TCEA2: variants seen among roughly 807,000 people sequenced by gnomAD.
TCEA2 encodes the protein transcription elongation factor A2.
Under a neutral mutation model 40.8 loss-of-function variants are expected in TCEA2, and 21 were observed. The observed-to-expected ratio is 0.51, with a 90% confidence interval of 0.36 to 0.74. The LOEUF (loss-of-function observed/expected upper bound fraction) is 0.74, where lower values mean the gene tolerates loss of function less well. TCEA2 is among the 30% of genes least tolerant of loss of function. The probability of loss-of-function intolerance (pLI) is 0.00; values close to 1 mark genes in which losing one functional copy is unlikely to be tolerated. For missense variants in TCEA2, 326 were observed against 426.5 expected, an observed-to-expected ratio of 0.76 and a Z score of 2.08; for synonymous variants, 165 against 162.7, an observed-to-expected ratio of 1.01 and a Z score of -0.11.
chr20:64,066,875 G>A, intron 2 of TCEA2, 40 bp from the exon 3 acceptor site: 1 of 1,584,862 alleles, frequency 6.3e-7, no homozygotes, highest in Non-Finnish European at 8.6e-7. Context: ...CCCCTAGGGT[G>A]GGCCCCTGCC....
chr20:64,058,891 G>A (rs191753637), upstream of TCEA2, among the ~76,000 whole-genome samples: 143 of 152,172 alleles, frequency 9.4e-4, no homozygotes, highest in African/African-American at 3.2e-3. The surrounding 1 kb of genome is among the most constrained non-coding windows in gnomAD (Gnocchi z 6.7). Context: ...GCTAGAGGTC[G>A]GTATAAAGGA....
upstream of TCEA2, among the ~76,000 whole-genome samples, chr20:64,061,038 C>G (rs557308554): frequency 1.3e-5 from 2 of 149,874 alleles, no homozygotes; most frequent in East Asian, 4.0e-4. Flanking sequence ...TGAGCTCAGG[C>G]AGTCCACCTC....
rs564047778 is a variant in TCEA2 at position 64,063,249 on chromosome 20, G to C, written c.-64G>C. 3.5e-6 allele frequency: 5 copies of C among 1,432,500 alleles called. No homozygotes were observed. In the African/African-American group the frequency reaches 7.5e-5, roughly 21 times the overall value. The allele number at this position is 1,432,500 out of a possible 1,614,324, so 88.7% of individuals were successfully genotyped here. On this transcript the variant is annotated 5_prime_UTR_variant, in exon 1 of 10. Transcript: ENST00000343484. The stretch of plus-strand genomic sequence containing the variant: ...GGTGTGGGAGGTGGCGACGGCCGGG[G>C]CCGGGGTCCTGCCCGGCTGCGGAGG...
chr20:64,068,869 CA>C (rs1468155487), intron 4 of TCEA2, among the ~76,000 whole-genome samples: 2 of 152,360 alleles, frequency 1.3e-5, no homozygotes, highest in Non-Finnish European at 2.9e-5. Flanking sequence ...TGTACGTGCC[CA>C]GGGGTGTCGT....
At chr20:64,063,117 CA>C (rs1451034587), upstream of TCEA2, 27 of 330,180 alleles carry the variant, frequency 8.2e-5, no homozygotes, top group Non-Finnish European at 5.1e-6. Flanking sequence ...GCGGGCGCGG[CA>C]GGCGGGCGCG....
At position 64,066,476 on chromosome 20, in the gene TCEA2, G is replaced by A. The variant is rs1004288290; in HGVS notation, c.73G>A (p.Glu25Lys). Residue 25 changes from glutamate (E) to lysine (K), a missense_variant and splice_region_variant, in exon 2 of 10, where the codon GAG becomes AAG. By Grantham distance (56) the Glu-to-Lys change is moderately conservative. Transcript: ENST00000343484. ...LDKMVTKKSA[E>K]GAMDLLRELK... ...ATGAAGGTCCTCCTTCTCCTTCCAG[G>A]AGGGAGCCATGGATTTGCTGCGGGA... 6.2e-7 allele frequency: 1 copy of A among 1,613,718 alleles called. No homozygotes were observed. The highest frequency in any genetic ancestry group is 1.7e-5 in the Admixed American group (1 of 59,990).
rs765494947 is a variant in TCEA2, at chr20:64,069,445, G to A, written c.414G>A (p.Val138=). The A allele has an allele frequency of 6.2e-7, 1 of 1,613,470 alleles. No homozygotes were observed. The highest frequency in any genetic ancestry group is 1.3e-5 in the African/African-American group (1 of 75,064). Residue 138 remains valine (V), a synonymous_variant, in exon 5 of 10, where the codon GTG becomes GTA. Transcript: ENST00000343484. ...CGGTGCCTGTCACCTGTGATGCCGT[G>A]CGCAACAAGTGCCGCGAGATGCTGA... ...FPPVPVTCDA[V]RNKCREMLTA...
At chr20:64,069,996 C>A in intron 6 of TCEA2, 175 bp downstream of exon 6, 2 of 914,356 alleles carry the variant, frequency 2.2e-6, no homozygotes, top group Non-Finnish European at 3.5e-6. Flanking sequence ...GCCCCCGGAC[C>A]AGCTGAAGGG....
At chr20:64,063,088 G>T, upstream of TCEA2, 1 of 279,934 alleles carries the variant, frequency 3.6e-6, no homozygotes, top group South Asian at 1.5e-4. Flanking sequence ...TGGGAGTTGT[G>T]GTCCAGAGCG....
chr20:64,067,935 G>A, intron 3 of TCEA2, 112 bp from the exon 4 acceptor site: 2 of 769,752 alleles, frequency 2.6e-6, no homozygotes, highest in Admixed American at 3.2e-5. Flanking sequence ...GGGGGCGGGG[G>A]CTGGGGCTGG....
At chr20:64,071,732 T>C (rs896617342) in intron 8 of TCEA2, 138 bp from the exon 9 acceptor site, 15 of 928,038 alleles carry the variant, frequency 1.6e-5, no homozygotes, top group African/African-American at 5.0e-5. Context: ...CTTTGGAAGG[T>C]TGGAGTCACG....
chr20:64,069,834 T>G lies in TCEA2; in HGVS notation c.517+13T>G. The G allele has an allele frequency of 6.2e-7, 1 of 1,612,730 alleles. No individual in the cohort carries two copies. The highest frequency in any genetic ancestry group is 8.5e-7 in the Non-Finnish European group (1 of 1,179,972). On this transcript the variant is annotated intron_variant, in intron 6 of 9. Transcript: ENST00000343484. ...CAGATCGAGGAATATATCCTTTGGGTAGGGGCTGTGGGCCTGGGTTTCTGG... is the reference window on the plus strand; with the variant it reads ...CAGATCGAGGAATATATCCTTTGGGGAGGGGCTGTGGGCCTGGGTTTCTGG...
At chr20:64,058,881 G>T (rs562559840), upstream of TCEA2, among the ~76,000 whole-genome samples, 12 of 152,274 alleles carry the variant, frequency 7.9e-5, no homozygotes, top group South Asian at 2.3e-3. This position sits in a 1 kb window ranked among gnomAD's most constrained non-coding sequence, Gnocchi z 6.7. Context: ...ACACCTTTCT[G>T]CTAGAGGTCG....
chr20:64,066,261 C>T (rs1299034034), intron 1 of TCEA2: 5 of 540,810 alleles, frequency 9.2e-6, no homozygotes, highest in Non-Finnish European at 1.7e-5. Context: ...AACCCCTCCC[C>T]TTCTTGACTG....
At chr20:64,071,428 G>A (rs2059832120) in intron 8 of TCEA2, among the ~76,000 whole-genome samples, 1 of 152,226 alleles carries the variant, frequency 6.6e-6, no homozygotes, top group East Asian at 1.9e-4. Flanking sequence ...TGCAAGGACA[G>A]CCTTTCCTTC....
At chr20:64,066,720 C>T (rs542095698) in intron 2 of TCEA2, among the ~76,000 whole-genome samples, 182 bp downstream of exon 2, 1 of 152,328 alleles carries the variant, frequency 6.6e-6, no homozygotes, top group East Asian at 1.9e-4. Flanking sequence ...GGAGGGGAGT[C>T]TGAGGATAAC....
upstream of TCEA2, among the ~76,000 whole-genome samples, chr20:64,061,411 G>T (rs1296026991): frequency 6.6e-6 from 1 of 152,158 alleles, no homozygotes; most frequent in Non-Finnish European, 1.5e-5. Context: ...GAGTAGCTGG[G>T]ACTACAGGCG....
chr20:64,060,171 C>T (rs2059534358), upstream of TCEA2, among the ~76,000 whole-genome samples: 1 of 152,260 alleles, frequency 6.6e-6, no homozygotes. Flanking sequence ...GCTGCACCTC[C>T]TGCCCAGGAG....
rs1376691325 is a variant in TCEA2 at position 64,069,497 on chromosome 20, T to C, written c.460+6T>C. On this transcript the variant is annotated splice_donor_region_variant and intron_variant, in intron 5 of 9. Transcript: ENST00000343484. ...CGCTGCCCTGCAGACGGACCGTGAG[T>C]GCGGCCGGCCCTGGCTCCTGACACC... 6.2e-7 allele frequency: 1 copy of C among 1,611,546 alleles called. No individual in the cohort carries two copies. The highest frequency in any genetic ancestry group is 1.7e-5 in the Admixed American group (1 of 59,916).
Sources: allele counts gnomAD v4.1 joint callset (sites outside exome capture counted in the v4.1 genomes callset), GRCh38; gene constraint gnomAD v4.1.1; non-coding constraint Gnocchi (gnomAD v3.1); transcripts MANE v1.5; gene names NCBI Gene and HGNC (gene_info 2026-07-23, HGNC 2026-07-21).